MPRIP: variants seen among roughly 807,000 people sequenced by gnomAD.
MPRIP encodes the protein myosin phosphatase Rho-interacting protein.
A neutral mutation model predicts 234.9 loss-of-function variants in MPRIP; 59 were observed. That is an observed-to-expected ratio of 0.25 (90% CI 0.20 to 0.31). The LOEUF is 0.31. Among genes scored for constraint, MPRIP ranks in the 10% least tolerant of loss-of-function variants. The pLI is 1.00. For missense variants in MPRIP, 2,436 were observed against 3,071.0 expected (o/e 0.79, Z 4.89); for synonymous variants, 1,144 against 1,263.9 (o/e 0.91, Z 2.01).
intron 3 of MPRIP, among the ~76,000 whole-genome samples, chr17:17,102,635 A>G (rs1272746888): frequency 1.3e-5 from 2 of 152,028 alleles, no homozygotes; most frequent in Non-Finnish European, 1.5e-5. Context: ...CTCATGTCCC[A>G]TGCGCTTGGT....
chr17:17,162,606 G>A (rs1295552190), intron 15 of MPRIP, among the ~76,000 whole-genome samples: 1 of 152,206 alleles, frequency 6.6e-6, no homozygotes, highest in Non-Finnish European at 1.5e-5. Context: ...AAGGTCATTT[G>A]CGCTTGCCCT....
chr17:17,163,505 G>A (rs977070665), intron 15 of MPRIP, among the ~76,000 whole-genome samples: 13 of 152,140 alleles, frequency 8.5e-5, no homozygotes, highest in Middle Eastern at 3.4e-3. Flanking sequence ...TTCCCCCCTC[G>A]TTTTGACTTC....
At chr17:17,043,884 GCTTT>G (rs1428918485) in intron 1 of MPRIP, among the ~76,000 whole-genome samples, 1 of 152,188 alleles carries the variant, frequency 6.6e-6, no homozygotes, top group African/African-American at 2.4e-5. Context: ...CCTCTTCAGA[GCTTT>G]CTCTCAGCCT....
chr17:17,100,424 A>G (rs2089936959), intron 3 of MPRIP, among the ~76,000 whole-genome samples: 1 of 152,126 alleles, frequency 6.6e-6, no homozygotes, highest in South Asian at 2.1e-4. Flanking sequence ...CAGAAAATAC[A>G]TGAATTGGTG....
At chr17:17,064,674 A>G (rs1275959656) in intron 1 of MPRIP, among the ~76,000 whole-genome samples, 1 of 152,130 alleles carries the variant, frequency 6.6e-6, no homozygotes, top group Non-Finnish European at 1.5e-5. Flanking sequence ...GGCTTTTTTC[A>G]CCTAGAATTC....
rs2089379312 is a variant in MPRIP, at chr17:17,078,147, T to TGTCATGTGAGAGCACAGCA, written c.267+73_267+91dup. The TGTCATGTGAGAGCACAGCA allele has an allele frequency of 8.0e-6, 12 of 1,506,592 alleles. No individual in the cohort carries two copies. The highest frequency in any genetic ancestry group is 1.0e-5 in the Non-Finnish European group (11 of 1,084,538). 93.3% of individuals were successfully genotyped at this position (1,506,592 alleles called of 1,614,324 possible). ...TCCCTCCATTACAGTGCCCTTGCGT[T>TGTCATGTGAGAGCACAGCA]GTCATGTGAGAGCACAGCAGCCATG... On this transcript the variant is annotated intron_variant, in intron 3 of 23. Coordinates refer to ENST00000651222, the MANE Select transcript of MPRIP (RefSeq NM_001364716.4). The surrounding 1 kb of genome is among the most constrained non-coding windows in gnomAD (Gnocchi z 4.3).
At chr17:17,072,846 G>A (rs573701193) in intron 1 of MPRIP, among the ~76,000 whole-genome samples, 5 of 152,188 alleles carry the variant, frequency 3.3e-5, no homozygotes, top group East Asian at 1.9e-4. Context: ...CATCAGCTGC[G>A]CCCCTGCCCA....
At chr17:17,049,896 G>A (rs1204764595) in intron 1 of MPRIP, among the ~76,000 whole-genome samples, 1 of 152,192 alleles carries the variant, frequency 6.6e-6, no homozygotes, top group Non-Finnish European at 1.5e-5. Flanking sequence ...CGTTAAAAAA[G>A]TAAAAAGAGG....
intron 3 of MPRIP, among the ~76,000 whole-genome samples, chr17:17,094,193 A>G (rs1410942479): frequency 1.3e-5 from 2 of 152,112 alleles, no homozygotes; most frequent in African/African-American, 4.8e-5. Context: ...AGAAATGCAC[A>G]GGGAGGAAAG....
chr17:17,142,931 G>T (rs548445924), intron 8 of MPRIP, among the ~76,000 whole-genome samples, 166 bp downstream of exon 8: 1 of 152,250 alleles, frequency 6.6e-6, no homozygotes, highest in East Asian at 1.9e-4. Flanking sequence ...CCTGTCTCCT[G>T]CAGCTTCATA....
rs896346875 is a variant in MPRIP, at chr17:17,120,827, C to T, written c.268-5875C>T. Reference sequence around the variant, plus strand: ...TTTGCTGACAGCGTTAGAGCTGAGGCGTTCCTTCTGGCTGGATTTGGGTTA... The same window carrying T: ...TTTGCTGACAGCGTTAGAGCTGAGGTGTTCCTTCTGGCTGGATTTGGGTTA... On this transcript the variant is annotated intron_variant, in intron 3 of 23. Transcript: ENST00000651222. Among the ~76,000 whole-genome samples the T allele has an allele frequency of 5.9e-5, 9 of 152,296 alleles. No homozygotes were observed. In the East Asian group the frequency reaches 7.7e-4, roughly 13 times the overall value.
In MPRIP at chr17:17,142,548, G is replaced by A. The variant is rs575155916; in HGVS notation, c.1251-79G>A. 1.2e-5 allele frequency: 18 copies of A among 1,537,804 alleles called. No homozygotes were observed. The African/African-American group carries it at 1.5e-4, about 13-fold the overall frequency. ...AGGGGAATCAGGCCCGGGCCAGGCC[G>A]GGCATGGGAGGAGTCGGCTCACTGC... On this transcript the variant is annotated intron_variant, in intron 7 of 23. Transcript: ENST00000651222.
intron 14 of MPRIP, among the ~76,000 whole-genome samples, chr17:17,159,814 G>T (rs1049045495): frequency 2.6e-5 from 4 of 152,268 alleles, no homozygotes; most frequent in South Asian, 2.1e-4. Flanking sequence ...GTTCTCTTAC[G>T]TAAGTAGCTT....
At chr17:17,172,617 T>G in intron 17 of MPRIP, 81 bp from the exon 18 acceptor site, 6 of 1,055,058 alleles carry the variant, frequency 5.7e-6, no homozygotes, top group African/African-American at 1.6e-5. Flanking sequence ...CGCCATCCCA[T>G]TGTGTGGAGC....
At chr17:17,072,146 C>G (rs1180241748) in intron 1 of MPRIP, among the ~76,000 whole-genome samples, 2 of 152,242 alleles carry the variant, frequency 1.3e-5, no homozygotes, top group African/African-American at 4.8e-5. Flanking sequence ...CATTGCTGCA[C>G]TTAAAGACAC....
At chr17:17,045,426 T>C (rs1056656515) in intron 1 of MPRIP, among the ~76,000 whole-genome samples, 1 of 152,200 alleles carries the variant, frequency 6.6e-6, no homozygotes, top group African/African-American at 2.4e-5. Flanking sequence ...GGAGATCAGC[T>C]AATGTAACCA....
Position 17,165,795 on chromosome 17 carries a change from G to T in MPRIP, c.4204G>T (p.Val1402Leu), listed in dbSNP as rs534485051. 1.4e-5 allele frequency: 18 copies of T among 1,304,386 alleles called. No homozygotes were observed. Among genetic ancestry groups the T allele is most frequent in the Non-Finnish European group, 1.7e-5 (17 of 988,878 alleles). 80.8% of individuals were successfully genotyped at this position (1,304,386 alleles called of 1,614,324 possible). ...AGAGGAAAAGCTCAAAGACGTGACC[G>T]TGAGGCTGGAGAGCCAGCAGGGTCA... ...VTEEKLKDVT[V>L]RLESQQGQSR... The change falls in exon 16 of 24, where the codon GTG becomes TTG. Residue 1402 changes from valine to leucine, a missense_variant. Transcript: ENST00000651222.
chr17:17,128,303 G>A (rs2090531970), intron 4 of MPRIP, among the ~76,000 whole-genome samples: 1 of 152,180 alleles, frequency 6.6e-6, no homozygotes, highest in Admixed American at 6.5e-5. Context: ...TGGGTCTCCA[G>A]GGCAAGCTGG....
At chr17:17,151,107 G>A (rs2045593147) in intron 12 of MPRIP, among the ~76,000 whole-genome samples, 1 of 151,780 alleles carries the variant, frequency 6.6e-6, no homozygotes, top group Non-Finnish European at 1.5e-5. Context: ...CTGGGCTCCA[G>A]CGATCCACTT....
Sources: allele counts gnomAD v4.1 joint callset (sites outside exome capture counted in the v4.1 genomes callset), GRCh38; gene constraint gnomAD v4.1.1; non-coding constraint Gnocchi (gnomAD v3.1); transcripts MANE v1.5; gene names NCBI Gene and HGNC (gene_info 2026-07-23, HGNC 2026-07-21).